The following PDZRN4 variants were observed in gnomAD, a reference collection of about 807,000 sequenced individuals.
PDZRN4 encodes the protein PDZ domain-containing RING finger protein 4.
A neutral mutation model predicts 99.0 loss-of-function variants in PDZRN4; 70 were observed. That is an observed-to-expected ratio of 0.71 (90% CI 0.58 to 0.86). PDZRN4 has a LOEUF of 0.86. PDZRN4 is among the 40% of genes least tolerant of loss of function. The probability of loss-of-function intolerance (pLI) is 0.00; values close to 1 mark genes in which losing one functional copy is unlikely to be tolerated. For synonymous variants in PDZRN4, 551 were observed against 501.6 expected (o/e 1.10, Z -1.32); for missense variants, 1,474 against 1,331.2 (o/e 1.11, Z -1.67).
intron 3 of PDZRN4, among the ~76,000 whole-genome samples, chr12:41,479,290 A>G (rs1054862733): frequency 6.6e-6 from 1 of 152,080 alleles, no homozygotes; most frequent in Admixed American, 6.6e-5. Flanking sequence ...ACGAAAGTAG[A>G]TGACACAGTA....
chr12:41,321,915 T>A (rs1951680519), intron 3 of PDZRN4, among the ~76,000 whole-genome samples: 1 of 152,230 alleles, frequency 6.6e-6, no homozygotes, highest in Admixed American at 6.5e-5. Flanking sequence ...TAGGTGGATA[T>A]GTTTGTAAAC....
At chr12:41,287,622 T>C (rs1320176775) in intron 3 of PDZRN4, among the ~76,000 whole-genome samples, 1 of 152,234 alleles carries the variant, frequency 6.6e-6, no homozygotes, top group Non-Finnish European at 1.5e-5. Context: ...TAGGACCTTC[T>C]GCTCAGAGTG....
At chr12:41,565,812 A>G (rs529825155) in intron 8 of PDZRN4, among the ~76,000 whole-genome samples, 1 of 152,286 alleles carries the variant, frequency 6.6e-6, no homozygotes, top group South Asian at 2.1e-4. Flanking sequence ...GGATTCTCAT[A>G]AGAACTTGTA....
At chr12:41,275,926 AGAG>A (rs1951347416) in intron 3 of PDZRN4, among the ~76,000 whole-genome samples, 2 of 152,348 alleles carry the variant, frequency 1.3e-5, no homozygotes, top group Admixed American at 1.3e-4. Flanking sequence ...ATGTGAGACT[AGAG>A]AAGACTATGA....
At chr12:41,330,117 G>A (rs1050477576) in intron 3 of PDZRN4, among the ~76,000 whole-genome samples, 6 of 152,002 alleles carry the variant, frequency 3.9e-5, no homozygotes, top group Non-Finnish European at 8.8e-5. Context: ...ATCATGTATT[G>A]TTTAAAAAAT....
At chr12:41,348,732 C>T (rs1951871270) in intron 3 of PDZRN4, among the ~76,000 whole-genome samples, 1 of 151,914 alleles carries the variant, frequency 6.6e-6, no homozygotes, top group Admixed American at 6.6e-5. Context: ...CTGAATTACT[C>T]CATTTTTTTT....
At chr12:41,535,343 G>T (rs1405620683) in intron 5 of PDZRN4, among the ~76,000 whole-genome samples, 2 of 152,124 alleles carry the variant, frequency 1.3e-5, no homozygotes, top group Non-Finnish European at 2.9e-5. Context: ...GTTTGTTTCT[G>T]CCAGACTTCT....
chr12:41,573,021 A>T lies in PDZRN4; in HGVS notation c.2242A>T (p.Thr748Ser). ...AYNTAESCRS[T>S]PLTVDRSPDS... ...CAACACAGCTGAGAGCTGCAGAAGT[A>T]CTCCGCTCACTGTAGACCGTTCCCC... Residue 748 changes from threonine to serine, a missense_variant, in exon 10 of 10, where the codon ACT becomes TCT. Physicochemically the swap from Thr to Ser is moderately conservative, Grantham distance 58. Coordinates refer to ENST00000402685, the MANE Select transcript of PDZRN4 (RefSeq NM_001164595.2). 6.2e-7 allele frequency: 1 copy of T among 1,614,090 alleles called. No individual in the cohort carries two copies. Among genetic ancestry groups the T allele is most frequent in the Non-Finnish European group, 8.5e-7 (1 of 1,180,000 alleles).
chr12:41,409,472 C>T (rs911884998), intron 3 of PDZRN4: 23 of 152,196 alleles, frequency 1.5e-4, no homozygotes, highest in African/African-American at 5.3e-4. Context: ...ATGTGTCATT[C>T]TTAGATGCAT....
intron 3 of PDZRN4, among the ~76,000 whole-genome samples, chr12:41,408,665 A>G (rs1952367189): frequency 6.6e-6 from 1 of 152,160 alleles, no homozygotes; most frequent in South Asian, 2.1e-4. Flanking sequence ...CCAAAAAACA[A>G]TATGATGTTC....
rs571478483 is a variant in PDZRN4 at position 41,386,811 on chromosome 12, A to C, written c.844-119645A>C. ...AATGGAACAAAATAGAAAACCCAGA[A>C]GTAAGACTGCACACCTACAACTATC... On this transcript the variant is annotated intron_variant, in intron 3 of 9. Coordinates refer to ENST00000402685, the MANE Select transcript of PDZRN4 (RefSeq NM_001164595.2). Among the ~76,000 whole-genome samples the C allele has an allele frequency of 2.0e-3, 301 of 152,312 alleles. 2 individuals are homozygous for C. Among genetic ancestry groups the C allele is most frequent in the African/African-American group, 6.9e-3 (288 of 41,570 alleles).
chr12:41,424,656 A>AAACG (rs397752219), intron 3 of PDZRN4, among the ~76,000 whole-genome samples: 3 of 152,052 alleles, frequency 2.0e-5, no homozygotes, highest in African/African-American at 7.2e-5. Context: ...CTGGGGCAAC[A>AAACG]GTCTTCAAAT....
At chr12:41,453,236 G>T in intron 3 of PDZRN4, among the ~76,000 whole-genome samples, 1 of 152,084 alleles carries the variant, frequency 6.6e-6, no homozygotes. Context: ...CCTGAAGATG[G>T]GATCTCAGTC....
chr12:41,384,679 A>G (rs75092832), intron 3 of PDZRN4, among the ~76,000 whole-genome samples: 2,407 of 152,200 alleles, frequency 0.016, 60 homozygotes, highest in East Asian at 0.091. Flanking sequence ...TAGCTCTCAA[A>G]AGGTTGTATA....
At chr12:41,241,397 T>C (rs1306731651) in intron 3 of PDZRN4, among the ~76,000 whole-genome samples, 1 of 152,202 alleles carries the variant, frequency 6.6e-6, no homozygotes, top group Non-Finnish European at 1.5e-5. Flanking sequence ...TTAGGCAAAT[T>C]AATCCAAAAA....
At chr12:41,281,045 T>A (rs1203097508) in intron 3 of PDZRN4, among the ~76,000 whole-genome samples, 1 of 152,114 alleles carries the variant, frequency 6.6e-6, no homozygotes, top group Non-Finnish European at 1.5e-5. Context: ...CTGTTCTGCA[T>A]CCTCTGCTGG....
chr12:41,486,445 A>T (rs2120615023), intron 3 of PDZRN4, among the ~76,000 whole-genome samples: 1 of 152,204 alleles, frequency 6.6e-6, no homozygotes, highest in East Asian at 1.9e-4. Flanking sequence ...AATGCCCAAC[A>T]TAAGGGAGTT....
intron 3 of PDZRN4, among the ~76,000 whole-genome samples, chr12:41,422,727 G>A (rs917020216): frequency 4.6e-5 from 7 of 152,046 alleles, no homozygotes; most frequent in African/African-American, 7.2e-5. Flanking sequence ...TCCCTCCCTC[G>A]ACATGTGGGG....
chr12:41,197,163 G>C (rs1950778819), intron 3 of PDZRN4, among the ~76,000 whole-genome samples: 1 of 151,936 alleles, frequency 6.6e-6, no homozygotes, highest in Non-Finnish European at 1.5e-5. Context: ...TTTATGAATT[G>C]TTTTTAAAAA....
Sources: allele counts gnomAD v4.1 joint callset (sites outside exome capture counted in the v4.1 genomes callset), GRCh38; gene constraint gnomAD v4.1.1; transcripts MANE v1.5; gene names NCBI Gene and HGNC (gene_info 2026-07-23, HGNC 2026-07-21).